The following CCND3 variants were observed in gnomAD, a reference collection of about 807,000 sequenced individuals.
CCND3 encodes the protein cyclin D3, also known as G1/S-specific cyclin-D3.
CCND3 carries 9 observed loss-of-function variants against 28.7 expected under a neutral mutation model. That is an observed-to-expected ratio of 0.31 (90% CI 0.19 to 0.55). The LOEUF (loss-of-function observed/expected upper bound fraction) is 0.55, where lower values mean the gene tolerates loss of function less well. Among genes scored for constraint, CCND3 ranks in the 20% least tolerant of loss-of-function variants. The pLI is 0.93. For synonymous variants in CCND3, 164 were observed against 163.9 expected (o/e 1.00, Z 0.00); for missense variants, 315 against 385.8 (o/e 0.82, Z 1.54).
At chr6:42,020,296 G>GAA (rs535305183) in intron 1 of CCND3, among the ~76,000 whole-genome samples, 8 of 152,102 alleles carry the variant, frequency 5.3e-5, no homozygotes, top group Non-Finnish European at 7.4e-5. Context: ...AAAAAGAAAA[G>GAA]AAAAAAGAAA....
intron 1 of CCND3, among the ~76,000 whole-genome samples, chr6:41,954,876 A>G (rs893660691): frequency 6.6e-6 from 1 of 152,192 alleles, no homozygotes; most frequent in African/African-American, 2.4e-5. Flanking sequence ...AGCTGCAGCC[A>G]TCTTGCAATA....
intron 1 of CCND3, among the ~76,000 whole-genome samples, chr6:41,967,379 A>C (rs4541742): frequency 1 from 151,628 of 152,324 alleles, 75,469 homozygotes; most frequent in Middle Eastern, 1. Flanking sequence ...CCTCTGAAAG[A>C]TTTGGAATCA....
At chr6:41,992,421 C>T (rs1762676796) in intron 1 of CCND3, among the ~76,000 whole-genome samples, 1 of 147,024 alleles carries the variant, frequency 6.8e-6, no homozygotes, top group African/African-American at 2.5e-5. Flanking sequence ...CCTCAGCCCC[C>T]AAAGTGCTGG....
intron 2 of CCND3, 78 bp from the exon 3 acceptor site, chr6:41,937,472 C>G (rs1775844617): frequency 1.3e-6 from 2 of 1,555,674 alleles, no homozygotes; most frequent in African/African-American, 2.7e-5. Context: ...CTCAAAGTCT[C>G]AGGCAGGGAA....
chr6:42,040,026 G>A lies in CCND3; in HGVS notation c.-46+8475C>T, dbSNP rs997071280. Among the ~76,000 whole-genome samples, 9 of 152,366 alleles carry A rather than the reference G, an allele frequency of 5.9e-5. No individual in the cohort carries two copies. In the East Asian group the frequency reaches 9.6e-4, roughly 16 times the overall value. ...CTCTACTAGTCCTGAGACTGTGTACGTGACAATGTCTCAACAGGGAACCCA... is the reference window on the plus strand; with the variant it reads ...CTCTACTAGTCCTGAGACTGTGTACATGACAATGTCTCAACAGGGAACCCA... On this transcript the variant is annotated intron_variant, in intron 1 of 4. Coordinates refer to the CCND3 transcript ENST00000372988.
chr6:42,016,961 T>C (rs1763537226), intron 1 of CCND3, among the ~76,000 whole-genome samples: 1 of 152,046 alleles, frequency 6.6e-6, no homozygotes, highest in Admixed American at 6.6e-5. Flanking sequence ...AGGAGAAAAA[T>C]TAATTCTGAA....
chr6:41,998,209 A>T (rs1324475774), intron 1 of CCND3, among the ~76,000 whole-genome samples: 2 of 150,894 alleles, frequency 1.3e-5, no homozygotes, highest in African/African-American at 4.9e-5. Context: ...AATCACTTGA[A>T]CCTGGGAGGC....
chr6:41,936,800 G>C lies in CCND3; in HGVS notation c.575-105C>G. On this transcript the variant is annotated intron_variant, in intron 3 of 4. Coordinates refer to ENST00000372991, the MANE Select transcript of CCND3 (RefSeq NM_001760.5). The surrounding 1 kb of genome is among the most constrained non-coding windows in gnomAD (Gnocchi z 4.4). Reference sequence around the variant, plus strand: ...AGTGCCAGGCAGCATGAGTAGAGCAGAGGACATGCTGGAAAACTCCAGCAG... The same window carrying C: ...AGTGCCAGGCAGCATGAGTAGAGCACAGGACATGCTGGAAAACTCCAGCAG... The C allele has an allele frequency of 4.1e-6, 5 of 1,228,290 alleles. No individual in the cohort carries two copies. Among genetic ancestry groups the C allele is most frequent in the Non-Finnish European group, 5.7e-6 (5 of 875,132 alleles). The allele number at this position is 1,228,290 out of a possible 1,614,324, so 76.1% of individuals were successfully genotyped here.
chr6:42,021,681 T>C (rs1278374758), intron 1 of CCND3, among the ~76,000 whole-genome samples: 19 of 151,976 alleles, frequency 1.3e-4, no homozygotes, highest in Non-Finnish European at 2.8e-4. Flanking sequence ...GAGAGGAGGA[T>C]AAAGGGCATT....
intron 1 of CCND3, among the ~76,000 whole-genome samples, chr6:41,981,606 C>T (rs1272318646): frequency 1.3e-5 from 2 of 152,058 alleles, no homozygotes; most frequent in Non-Finnish European, 2.9e-5. Flanking sequence ...TTACTGCAAC[C>T]TCTGCCTCTG....
At chr6:42,030,945 C>T (rs1764024700) in intron 1 of CCND3, among the ~76,000 whole-genome samples, 1 of 151,238 alleles carries the variant, frequency 6.6e-6, no homozygotes, top group Admixed American at 6.6e-5. Flanking sequence ...CAGGAAGGCA[C>T]TTGGGAGAAG....
rs996077279 is a variant in CCND3, at chr6:41,938,605, G to A, written c.415-1211C>T. The stretch of plus-strand genomic sequence containing the variant: ...TGGGACTCTCCCTATGGGGAGGCAA[G>A]GGGTTGTGTTTGAGGGAAAGTGGCC... On this transcript the variant is annotated intron_variant, in intron 2 of 4. Transcript: ENST00000372991. This position sits in a 1 kb window ranked among gnomAD's most constrained non-coding sequence, Gnocchi z 4.6. Among the ~76,000 whole-genome samples, 7 of 152,192 alleles carry A rather than the reference G, an allele frequency of 4.6e-5. No homozygotes were observed. The highest frequency in any genetic ancestry group is 1.3e-4 in the Admixed American group (2 of 15,284).
intron 1 of CCND3, among the ~76,000 whole-genome samples, chr6:42,038,503 A>T (rs995050948): frequency 6.6e-6 from 1 of 151,564 alleles, no homozygotes; most frequent in African/African-American, 2.4e-5. Flanking sequence ...CTGTGCCACT[A>T]CACTCTAGCC....
At chr6:41,964,418 G>A (rs1244428492) in intron 1 of CCND3, among the ~76,000 whole-genome samples, 1 of 151,678 alleles carries the variant, frequency 6.6e-6, no homozygotes, top group Non-Finnish European at 1.5e-5. Flanking sequence ...GTGTCTGTGT[G>A]TGAATGTGTT....
chr6:41,967,963 A>G (rs1227962392), intron 1 of CCND3, among the ~76,000 whole-genome samples: 1 of 152,230 alleles, frequency 6.6e-6, no homozygotes, highest in Admixed American at 6.5e-5. Context: ...ATTTTGTAAT[A>G]AATTCCCTTT....
chr6:41,989,878 G>A (rs2127415799), intron 1 of CCND3, among the ~76,000 whole-genome samples: 1 of 152,282 alleles, frequency 6.6e-6, no homozygotes, highest in Admixed American at 6.5e-5. Flanking sequence ...GCACACAGAT[G>A]TTGATAGTGG....
chr6:41,988,017 T>C (rs570068908), intron 1 of CCND3, among the ~76,000 whole-genome samples: 58 of 151,822 alleles, frequency 3.8e-4, no homozygotes, highest in African/African-American at 1.2e-3. Context: ...CTCCTTCAGA[T>C]AAAAATAATT....
At chr6:41,972,617 G>A (rs1415574798) in intron 1 of CCND3, among the ~76,000 whole-genome samples, 3 of 152,064 alleles carry the variant, frequency 2.0e-5, no homozygotes, top group South Asian at 2.1e-4. Context: ...CAGAGATGGC[G>A]CCTGGAAAGT....
At position 41,951,575 on chromosome 6, in the gene CCND3, C is replaced by CACAAAA. The variant is rs1238860882; in HGVS notation, c.-45-10991_-45-10990insTTTTGT. 1.6e-4 allele frequency among the ~76,000 whole-genome samples: 11 copies of CACAAAA among 70,188 alleles called. No homozygotes were observed. In the South Asian group the frequency reaches 2.0e-3, roughly 13 times the overall value. 46.0% of individuals were successfully genotyped at this position (70,188 alleles called of 152,430 possible). On this transcript the variant is annotated intron_variant, in intron 1 of 4. Coordinates refer to the CCND3 transcript ENST00000372988. ...ACACACACACACACACACACACACA[C>CACAAAA]AAAAAAAAAGATTAAGTGGGAGTAA... is the stretch of plus-strand genomic sequence containing the variant.
Sources: allele counts gnomAD v4.1 joint callset (sites outside exome capture counted in the v4.1 genomes callset), GRCh38; gene constraint gnomAD v4.1.1; non-coding constraint Gnocchi (gnomAD v3.1); transcripts MANE v1.5; gene names NCBI Gene and HGNC (gene_info 2026-07-23, HGNC 2026-07-21).